The following CIZ1 variants were observed in gnomAD, a reference collection of about 807,000 sequenced individuals.
CIZ1 encodes CDKN1A interacting zinc finger protein 1, also known as cip1-interacting zinc finger protein.
In CIZ1, 58 loss-of-function variants were observed where a neutral mutation model predicts 118.6. The observed-to-expected ratio is 0.49, with a 90% CI of 0.40 to 0.61. The LOEUF (loss-of-function observed/expected upper bound fraction) is 0.61. Among genes scored for constraint, CIZ1 ranks in the 20% least tolerant of loss-of-function variants. The pLI is 0.00. For missense variants in CIZ1, 921 were observed against 1,115.9 expected, an observed-to-expected ratio of 0.83 and a Z score of 2.49; for synonymous variants, 448 against 443.4, an observed-to-expected ratio of 1.01 and a Z score of -0.13.
chr9:128,174,710 A>C (rs1830646916), intron 11 of CIZ1, among the ~76,000 whole-genome samples: 1 of 152,134 alleles, frequency 6.6e-6, no homozygotes, highest in South Asian at 2.1e-4. Context: ...CCCAGGCTGA[A>C]GTGCAGTGGC....
At chr9:128,172,832 C>T (rs1477541841) in intron 11 of CIZ1, among the ~76,000 whole-genome samples, 3 of 151,908 alleles carry the variant, frequency 2.0e-5, no homozygotes, top group East Asian at 1.9e-4. Context: ...ATATAATGAG[C>T]GAATTATTTT....
chr9:128,190,323 C>A lies in CIZ1; in HGVS notation c.286+6G>T, dbSNP rs973111421. ...AGACTGAGAAGAGGCCTGGGGCCAT[C>A]CATACCTTGCAACTGCTGTAAAAGC... On this transcript the variant is annotated splice_donor_region_variant and intron_variant, in intron 3 of 16. Transcript: ENST00000372938. 1 of 1,604,196 alleles carries A rather than the reference C, an allele frequency of 6.2e-7. No homozygotes were observed. The highest frequency in any genetic ancestry group is 2.2e-5 in the East Asian group (1 of 44,776).
In CIZ1 at chr9:128,180,541, G is replaced by T; in HGVS notation, c.683-18C>A. ...ATCTTGGTCTGGAATGGAGGCATGA[G>T]CGAGGGAACTCATGTTGGGAAGAGC... On this transcript the variant is annotated intron_variant, in intron 6 of 16. Coordinates refer to ENST00000372938, the MANE Select transcript of CIZ1 (RefSeq NM_001131016.2). The T allele has an allele frequency of 6.3e-7, 1 of 1,598,982 alleles. No individual in the cohort carries two copies. Among genetic ancestry groups the T allele is most frequent in the Non-Finnish European group, 8.6e-7 (1 of 1,166,338 alleles).
rs1833621687 is a variant in CIZ1, at chr9:128,203,586, G to T, written c.-6+600C>A. On this transcript the variant is annotated intron_variant, in intron 1 of 17. Coordinates refer to the CIZ1 transcript ENST00000372948. This position sits in a 1 kb window ranked among gnomAD's most constrained non-coding sequence, Gnocchi z 5.3. ...CTGCCGCAGATCGCTGTGGTGGGCG[G>T]CCAGAGCGCCGGCAAGAGCTCGGTG... 6.4e-7 allele frequency: 1 copy of T among 1,551,316 alleles called. No homozygotes were observed.
At chr9:128,167,197 G>C (rs931173760) in intron 14 of CIZ1, 33 bp from the exon 15 acceptor site, 16 of 1,514,164 alleles carry the variant, frequency 1.1e-5, no homozygotes, top group Non-Finnish European at 1.4e-5. Context: ...CTCGGATCTG[G>C]CTTCCCCTTG....
At chr9:128,198,945 G>A (rs1564310850) in intron 1 of CIZ1, among the ~76,000 whole-genome samples, 1 of 152,140 alleles carries the variant, frequency 6.6e-6, no homozygotes, top group Non-Finnish European at 1.5e-5. Flanking sequence ...TGTAAATATG[G>A]AAGCTCTGAG....
chr9:128,169,759 A>G (rs1829907693), intron 12 of CIZ1: 3 of 1,499,560 alleles, frequency 2.0e-6, no homozygotes, highest in Non-Finnish European at 2.7e-6. Flanking sequence ...AGAGAAGACG[A>G]GAGAGAGGGC....
intron 4 of CIZ1, among the ~76,000 whole-genome samples, chr9:128,186,647 T>C (rs2131002549): frequency 6.6e-6 from 1 of 152,242 alleles, no homozygotes; most frequent in Admixed American, 6.5e-5. Context: ...GCAAAGGCCA[T>C]TCCTCACTGC....
In CIZ1 at chr9:128,203,394, C is replaced by T; in HGVS notation, c.-6+792G>A. 2.3e-6 allele frequency: 3 copies of T among 1,306,594 alleles called. No individual in the cohort carries two copies. The highest frequency in any genetic ancestry group is 2.9e-6 in the Non-Finnish European group (3 of 1,024,388). 80.9% of individuals were successfully genotyped at this position (1,306,594 alleles called of 1,614,324 possible). On this transcript the variant is annotated intron_variant, in intron 1 of 17. Coordinates refer to the CIZ1 transcript ENST00000372948. This position sits in a 1 kb window ranked among gnomAD's most constrained non-coding sequence, Gnocchi z 5.3. ...CGGCGCAGGCAGTCTGGGCGCGCGG[C>T]TGCAGCGGCGGAGCCGGAGTCGGAG...
chr9:128,169,097 ATCATCCTCT>A lies in CIZ1; in HGVS notation c.2241_2249del (p.Glu747_Asp749del). On this transcript the variant is annotated inframe_deletion, in exon 14 of 17. Coordinates refer to ENST00000372938, the MANE Select transcript of CIZ1 (RefSeq NM_001131016.2). ...CAACCTCGATCTCTTCTTCATCCTC[ATCATCCTCT>A]TCCTCTTCTTCATCACCCTCGAAGC... 6.2e-7 allele frequency: 1 copy of A among 1,613,744 alleles called. No homozygotes were observed. The highest frequency in any genetic ancestry group is 8.5e-7 in the Non-Finnish European group (1 of 1,179,818).
In CIZ1 at chr9:128,203,664, C is replaced by G. The variant is rs1428451380; in HGVS notation, c.-6+522G>C. The G allele has an allele frequency of 1.2e-5, 18 of 1,487,304 alleles. No homozygotes were observed. The highest frequency in any genetic ancestry group is 1.6e-5 in the Non-Finnish European group (18 of 1,125,588). 92.1% of individuals were successfully genotyped at this position (1,487,304 alleles called of 1,614,324 possible). On this transcript the variant is annotated intron_variant, in intron 1 of 17. Transcript: ENST00000372948. This position sits in a 1 kb window ranked among gnomAD's most constrained non-coding sequence, Gnocchi z 5.3. ...CGGCGCGCCCCCAGGCGCCGACCCC[C>G]GACCCCCGGGATCCCTGGAGTCCCC...
chr9:128,198,817 C>A (rs180901206), intron 1 of CIZ1, among the ~76,000 whole-genome samples: 1 of 150,066 alleles, frequency 6.7e-6, no homozygotes, highest in African/African-American at 2.5e-5. Context: ...GGCGACAGAG[C>A]GAGACTCCAT....
chr9:128,171,829 A>G (rs1830159137), intron 11 of CIZ1, among the ~76,000 whole-genome samples: 1 of 152,082 alleles, frequency 6.6e-6, no homozygotes, highest in East Asian at 1.9e-4. Context: ...ATTGCAACAT[A>G]TAACATCAAA....
At position 128,191,491 on chromosome 9, in the gene CIZ1, G is replaced by A. The variant is rs1833144312; in HGVS notation, c.-65C>T. On this transcript the variant is annotated 5_prime_UTR_variant, in exon 1 of 17. Transcript: ENST00000372938. The surrounding 1 kb of genome is among the most constrained non-coding windows in gnomAD (Gnocchi z 5.5). ...CCCCCACGGATGGGCCGGCCCCGCA[G>A]CCCCCACGCCTCGGCCGGGCGGCTC... The A allele has an allele frequency of 1.0e-6, 1 of 995,180 alleles. No homozygotes were observed. Among genetic ancestry groups the A allele is most frequent in the Non-Finnish European group, 1.2e-6 (1 of 835,336 alleles). 61.6% of individuals were successfully genotyped at this position (995,180 alleles called of 1,614,324 possible).
chr9:128,190,709 G>C lies in CIZ1; in HGVS notation c.149C>G (p.Pro50Arg), dbSNP rs747696276. 4 of 1,551,686 alleles carry C rather than the reference G, an allele frequency of 2.6e-6. No individual in the cohort carries two copies. Among genetic ancestry groups the C allele is most frequent in the Admixed American group, 1.9e-5 (1 of 51,380 alleles). The change falls in exon 2 of 17, where the codon CCG (proline) becomes CGG (arginine). Residue 50 changes from proline (P) to arginine (R), a missense_variant. Coordinates refer to ENST00000372938, the MANE Select transcript of CIZ1 (RefSeq NM_001131016.2). ...TCACCGGCTGACAGCCATGGGCAACGGGGCCTGTGGTGGGGACTGCTGGAG... is the reference window on the plus strand; with the variant it reads ...TCACCGGCTGACAGCCATGGGCAACCGGGCCTGTGGTGGGGACTGCTGGAG... ...QLLQQSPPQA[P>R]LPMAVSRGLP...
chr9:128,180,170 C>T (rs1019134020), intron 7 of CIZ1, among the ~76,000 whole-genome samples: 1 of 152,190 alleles, frequency 6.6e-6, no homozygotes, highest in Non-Finnish European at 1.5e-5. Context: ...TTCACCCCTC[C>T]CACGCAGCCA....
At chr9:128,194,762 G>A (rs1285360727), upstream of CIZ1, among the ~76,000 whole-genome samples, 1 of 152,154 alleles carries the variant, frequency 6.6e-6, no homozygotes, top group East Asian at 1.9e-4. Context: ...AGGTTGCAGT[G>A]AGCCAAGATC....
chr9:128,193,302 G>A (rs1206360684), upstream of CIZ1, among the ~76,000 whole-genome samples: 1 of 152,202 alleles, frequency 6.6e-6, no homozygotes, highest in Non-Finnish European at 1.5e-5. Context: ...AGGGTAGGGA[G>A]CACTGGAGAA....
At chr9:128,197,784 A>AT (rs1283653483) in intron 1 of CIZ1, 1 of 152,200 alleles carries the variant, frequency 6.6e-6, no homozygotes, top group African/African-American at 2.4e-5. Context: ...TAATGACACT[A>AT]TTTGTAGCTC....
Sources: gnomAD v4.1 joint callset for allele counts (sites outside exome capture counted in the v4.1 genomes callset) on GRCh38, gnomAD v4.1.1 for gene constraint, Gnocchi (gnomAD v3.1) non-coding constraint, MANE v1.5 for transcripts, NCBI Gene and HGNC (gene_info 2026-07-23, HGNC 2026-07-21) for gene names.